Variants in CDH10 observed in about 807,000 individuals in gnomAD.
CDH10 encodes cadherin 10.
Under a neutral mutation model 73.1 loss-of-function variants are expected in CDH10, and 30 were observed. The observed-to-expected ratio is 0.41, with a 90% CI of 0.31 to 0.56. The LOEUF (loss-of-function observed/expected upper bound fraction) is 0.56. Ranked by LOEUF, CDH10 falls within the 20% of genes least tolerant of loss-of-function variation. The pLI is 0.27. For missense variants in CDH10, 815 were observed against 973.7 expected, an observed-to-expected ratio of 0.84 and a Z score of 2.17; for synonymous variants, 345 against 348.2, an observed-to-expected ratio of 0.99 and a Z score of 0.10.
At chr5:24,620,505 G>T (rs1009734310) in intron 1 of CDH10, among the ~76,000 whole-genome samples, 2 of 152,024 alleles carry the variant, frequency 1.3e-5, no homozygotes, top group Admixed American at 1.3e-4. Context: ...TCAAAATCTG[G>T]TTATTGAATA....
intron 1 of CDH10, among the ~76,000 whole-genome samples, chr5:24,625,581 T>C (rs930555155): frequency 7.5e-6 from 1 of 134,180 alleles, no homozygotes; most frequent in African/African-American, 2.5e-5. Flanking sequence ...ATACATATAT[T>C]CATATATATG....
chr5:24,491,773 C>A lies in CDH10; in HGVS notation c.1679G>T (p.Ser560Ile). 6.2e-7 allele frequency: 1 copy of A among 1,608,006 alleles called. No individual in the cohort carries two copies. The highest frequency in any genetic ancestry group is 8.5e-7 in the Non-Finnish European group (1 of 1,174,580). The change falls in exon 11 of 12, where the codon AGT (serine) becomes ATT (isoleucine). Residue 560 changes from serine (S) to isoleucine (I), a missense_variant. Transcript: ENST00000264463. ...RKNGFNRHEI[S>I]TYLLPVVISD... ...TATCACCACAGGCAAGAGATAGGTA[C>A]TGATTTCATGTCTATTGAATCCATT...
At chr5:24,508,879 C>T (rs1208015646) in intron 7 of CDH10, among the ~76,000 whole-genome samples, 2 of 152,092 alleles carry the variant, frequency 1.3e-5, no homozygotes, top group African/African-American at 4.8e-5. Flanking sequence ...AACTTGAAAG[C>T]ACAAATAAAG....
In CDH10 at chr5:24,557,203, T is replaced by A. The variant is rs79642798; in HGVS notation, c.232-19529A>T. Among the ~76,000 whole-genome samples the A allele has an allele frequency of 4.0e-4, 61 of 151,434 alleles. 1 individual carries two copies. The highest frequency in any genetic ancestry group is 4.4e-4 in the Non-Finnish European group (30 of 67,604). Reference sequence around the variant, plus strand: ...TAGAATTATTAACATCAGTTTTTTTTAATTACTTACTATAATTTAGATTAT... The same window carrying A: ...TAGAATTATTAACATCAGTTTTTTTAAATTACTTACTATAATTTAGATTAT... On this transcript the variant is annotated intron_variant, in intron 2 of 11. Coordinates refer to ENST00000264463, the MANE Select transcript of CDH10 (RefSeq NM_006727.5).
chr5:24,487,450 G>C lies in CDH10; in HGVS notation c.*213C>G. 1 of 491,310 alleles carries C rather than the reference G, an allele frequency of 2.0e-6. No individual in the cohort carries two copies. Among genetic ancestry groups the C allele is most frequent in the Non-Finnish European group, 3.6e-6 (1 of 275,520 alleles). 30.4% of individuals were successfully genotyped at this position (491,310 alleles called of 1,614,324 possible). ...GACAACACTGTATTTCCATAGCTTT[G>C]GCTCTTGGAAGTGATTAAATAAAAT... is the stretch of plus-strand genomic sequence containing the variant. On this transcript the variant is annotated 3_prime_UTR_variant, in exon 12 of 12. Coordinates refer to ENST00000264463, the MANE Select transcript of CDH10 (RefSeq NM_006727.5).
In CDH10 at chr5:24,498,320, T is replaced by C; in HGVS notation, c.1515+78A>G. ...AGTATTTCCATCTCTGTGTATTCTT[T>C]CCTCTCAGGATTTTGAAAAGAAAAT... On this transcript the variant is annotated intron_variant, in intron 9 of 11. Transcript: ENST00000264463. The C allele has an allele frequency of 4.5e-6, 4 of 897,692 alleles. No homozygotes were observed. The South Asian group carries it at 6.6e-5, about 15-fold the overall frequency. The allele number at this position is 897,692 out of a possible 1,614,324, so 55.6% of individuals were successfully genotyped here. A position where few individuals can be genotyped will look rare whatever the true frequency, so the allele number is the denominator to read the frequency against.
At chr5:24,510,010 T>C (rs962904159) in intron 6 of CDH10, among the ~76,000 whole-genome samples, 191 bp from the exon 7 acceptor site, 2 of 152,192 alleles carry the variant, frequency 1.3e-5, no homozygotes, top group Admixed American at 6.5e-5. Flanking sequence ...TCTTTATGCA[T>C]TCAATTAGTA....
At chr5:24,581,255 C>T (rs1745786802) in intron 2 of CDH10, among the ~76,000 whole-genome samples, 1 of 124,512 alleles carries the variant, frequency 8.0e-6, no homozygotes, top group African/African-American at 2.5e-5. Context: ...TTCACTAGAA[C>T]CTCTCAATTT....
intron 1 of CDH10, among the ~76,000 whole-genome samples, chr5:24,613,723 G>A (rs142298350): frequency 2.0e-5 from 3 of 152,116 alleles, no homozygotes; most frequent in Middle Eastern, 6.8e-3. Context: ...TGAAGAATGA[G>A]TTTCTCATGA....
At chr5:24,623,842 T>C (rs1249162527) in intron 1 of CDH10, among the ~76,000 whole-genome samples, 7 of 152,176 alleles carry the variant, frequency 4.6e-5, no homozygotes, top group Admixed American at 3.9e-4. Context: ...TTTTTTCACA[T>C]AACTGTCAAC....
At chr5:24,606,480 A>G (rs1746765785) in intron 1 of CDH10, among the ~76,000 whole-genome samples, 1 of 151,986 alleles carries the variant, frequency 6.6e-6, no homozygotes. Context: ...GCATGGTGGC[A>G]TGTCCCTGTA....
Position 24,511,545 on chromosome 5 carries a change from CAGAGAGAGAGAGAGAGAGAGAGAGAG to C in CDH10, c.815-57_815-32del, listed in dbSNP as rs55901211. 3.6e-3 allele frequency: 2,098 copies of C among 576,488 alleles called. 35 individuals carry two copies. In the African/African-American group the frequency reaches 0.041, roughly 11 times the overall value. The allele number at this position is 576,488 out of a possible 1,614,324, so 35.7% of individuals were successfully genotyped here. On this transcript the variant is annotated intron_variant, in intron 5 of 11. Transcript: ENST00000264463. Reference sequence around the variant, plus strand: ...AAGTATAAAGAAAAGAAGAGAGAGACAGAGAGAGAGAGAGAGAGAGAGAGAGAGAGAGAGAGAGAGAGAGAGATTTC... The same window carrying C: ...AAGTATAAAGAAAAGAAGAGAGAGACAGAGAGAGAGAGAGAGAGAGATTTC...
intron 5 of CDH10, among the ~76,000 whole-genome samples, chr5:24,531,222 A>G (rs1378423381): frequency 6.6e-6 from 1 of 151,998 alleles, no homozygotes; most frequent in Non-Finnish European, 1.5e-5. Context: ...CAGTCACCAA[A>G]TCCTGCTTAC....
At chr5:24,598,867 G>A (rs1746465470) in intron 1 of CDH10, among the ~76,000 whole-genome samples, 1 of 152,112 alleles carries the variant, frequency 6.6e-6, no homozygotes, top group South Asian at 2.1e-4. Context: ...TATACTACGT[G>A]CTAACATCTT....
intron 9 of CDH10, among the ~76,000 whole-genome samples, chr5:24,494,912 G>A (rs186241877): frequency 1.3e-5 from 2 of 151,956 alleles, no homozygotes; most frequent in Non-Finnish European, 1.5e-5. Flanking sequence ...TTAAGACTTC[G>A]CTACTGCAGA....
chr5:24,509,996 C>A (rs6859516), intron 6 of CDH10, among the ~76,000 whole-genome samples, 177 bp from the exon 7 acceptor site: 3 of 152,108 alleles, frequency 2.0e-5, no homozygotes, highest in East Asian at 1.9e-4. Context: ...GATTCAACTT[C>A]TACTCTTTAT....
intron 2 of CDH10, among the ~76,000 whole-genome samples, chr5:24,542,916 C>T (rs1167251224): frequency 6.6e-6 from 1 of 152,122 alleles, no homozygotes; most frequent in Non-Finnish European, 1.5e-5. Flanking sequence ...AAAACCATCA[C>T]CTTAGGAGTT....
intron 2 of CDH10, among the ~76,000 whole-genome samples, chr5:24,570,464 T>C (rs917090338): frequency 5.9e-5 from 9 of 152,044 alleles, no homozygotes; most frequent in African/African-American, 2.2e-4. Context: ...TGGTAGGATA[T>C]TTAAGCTCTA....
intron 2 of CDH10, among the ~76,000 whole-genome samples, chr5:24,556,894 C>T (rs995411201): frequency 2.0e-5 from 3 of 151,654 alleles, no homozygotes; most frequent in Non-Finnish European, 4.4e-5. Context: ...GAGATGTACA[C>T]AAAAAGTATT....
Sources: allele counts gnomAD v4.1 joint callset (sites outside exome capture counted in the v4.1 genomes callset), GRCh38; gene constraint gnomAD v4.1.1; transcripts MANE v1.5; gene names NCBI Gene and HGNC (gene_info 2026-07-23, HGNC 2026-07-21).